The following KIAA0930 variants were observed in gnomAD, a reference collection of about 807,000 sequenced individuals.
The protein encoded by KIAA0930 is uncharacterized protein KIAA0930.
KIAA0930 carries 24 observed loss-of-function variants against 43.9 expected under a neutral mutation model. The ratio of observed to expected loss-of-function variants is 0.55; its 90% CI spans 0.40 to 0.77. KIAA0930 has a LOEUF of 0.77. Among genes scored for constraint, KIAA0930 ranks in the 30% least tolerant of loss-of-function variants. The pLI is 0.00. For synonymous variants in KIAA0930, 259 were observed against 216.4 expected, an observed-to-expected ratio of 1.20 and a Z score of -1.73; for missense variants, 461 against 574.2, an observed-to-expected ratio of 0.80 and a Z score of 2.02.
At chr22:45,221,598 A>G (rs12106512) in intron 1 of KIAA0930, among the ~76,000 whole-genome samples, 38,415 of 152,132 alleles carry the variant, frequency 0.25, 4,872 homozygotes, top group South Asian at 0.33. Context: ...GACATAATAA[A>G]TATGTGCTAA....
intron 1 of KIAA0930, among the ~76,000 whole-genome samples, chr22:45,214,758 A>C (rs1259929895): frequency 4.6e-5 from 7 of 152,038 alleles, no homozygotes; most frequent in African/African-American, 1.7e-4. Context: ...AAAAAATAAA[A>C]ATTAGCTGGG....
rs2083542017 is a variant in KIAA0930, at chr22:45,196,964, CG to C, written c.*211del. 1 of 534,436 alleles carries C rather than the reference CG, an allele frequency of 1.9e-6. No individual in the cohort carries two copies. The highest frequency in any genetic ancestry group is 3.6e-5 in the Admixed American group (1 of 27,530). The allele number at this position is 534,436 out of a possible 1,614,324, so 33.1% of individuals were successfully genotyped here. A position where few individuals can be genotyped will look rare whatever the true frequency, so the allele number is the denominator to read the frequency against. ...GGGGCGATGGGCGGGGGGCACAGGG[CG>C]GAGCAGCGCCAGCAGGGGAGGGAAG... On this transcript the variant is annotated 3_prime_UTR_variant, in exon 10 of 10. Transcript: ENST00000336156. This position sits in a 1 kb window ranked among gnomAD's most constrained non-coding sequence, Gnocchi z 4.1.
intron 8 of KIAA0930, 28 bp from the exon 9 acceptor site, chr22:45,197,976 C>A (rs374578648): frequency 9.3e-6 from 15 of 1,612,298 alleles, no homozygotes; most frequent in Non-Finnish European, 1.3e-5. Flanking sequence ...AGGTCAAGGC[C>A]CCCACAGCAT....
intron 1 of KIAA0930, among the ~76,000 whole-genome samples, chr22:45,231,404 C>T (rs2083852664): frequency 1.3e-5 from 2 of 151,946 alleles, no homozygotes; most frequent in Admixed American, 1.3e-4. Flanking sequence ...TAGTTTTCAC[C>T]TCCTACATTG....
chr22:45,212,006 G>C lies in KIAA0930; in HGVS notation c.166C>G (p.Arg56Gly). The change falls in exon 2 of 10, where the codon CGC (arginine) becomes GGC (glycine). Residue 56 changes from arginine to glycine, a missense_variant. Physicochemically the swap from Arg to Gly is moderately radical, Grantham distance 125. Transcript: ENST00000336156. The part of the protein sequence containing the change: ...PRQDDMLFYV[R>G]RKLAYSGSES... ...CTGCCGGAGTACGCCAGCTTCCGGC[G>C]CACATAGAAAAGCATGTCGTCCTGC... 1 of 1,613,506 alleles carries C rather than the reference G, an allele frequency of 6.2e-7. No individual in the cohort carries two copies. The highest frequency in any genetic ancestry group is 8.5e-7 in the Non-Finnish European group (1 of 1,180,002).
intron 1 of KIAA0930, chr22:45,212,377 C>A: frequency 6.3e-7 from 1 of 1,589,280 alleles, no homozygotes; most frequent in South Asian, 1.1e-5. Flanking sequence ...TGACTCCAGC[C>A]TGGGGATGAA....
At position 45,237,002 on chromosome 22, in the gene KIAA0930, G is replaced by A. The variant is rs560901764; in HGVS notation, c.64+3638C>T. ...ACACCAGGTCTTGGGCCCAGGTCGCGTCCACGTTACCTGACCAACTGTCGG... is the reference window on the plus strand; with the variant it reads ...ACACCAGGTCTTGGGCCCAGGTCGCATCCACGTTACCTGACCAACTGTCGG... On this transcript the variant is annotated intron_variant, in intron 1 of 9. Coordinates refer to ENST00000336156, the MANE Select transcript of KIAA0930 (RefSeq NM_001009880.2). 1.2e-4 allele frequency among the ~76,000 whole-genome samples: 18 copies of A among 152,308 alleles called. No individual in the cohort carries two copies. The East Asian group carries it at 2.1e-3, about 18-fold the overall frequency.
chr22:45,205,622 G>A lies in KIAA0930; in HGVS notation c.414+8C>T. On this transcript the variant is annotated splice_region_variant and intron_variant, in intron 4 of 9. Transcript: ENST00000336156. ...TAGGAGGCTGGGGGCTCTCGTGCCA[G>A]GGCTCACCTGAGATTTCTTCTTATG... 3 of 1,613,650 alleles carry A rather than the reference G, an allele frequency of 1.9e-6. No individual in the cohort carries two copies. The highest frequency in any genetic ancestry group is 2.5e-6 in the Non-Finnish European group (3 of 1,179,802).
At position 45,212,523 on chromosome 22, in the gene KIAA0930, A is replaced by AC. The variant is rs1294027029; in HGVS notation, c.65-417dup. 6.4e-6 allele frequency: 9 copies of AC among 1,398,268 alleles called. No individual in the cohort carries two copies. The East Asian group carries it at 2.3e-4, about 37-fold the overall frequency. The allele number at this position is 1,398,268 out of a possible 1,614,324, so 86.6% of individuals were successfully genotyped here. On this transcript the variant is annotated intron_variant, in intron 1 of 9. Transcript: ENST00000336156. ...GGCAGGGCTCTCACCAACATCTCTC[A>AC]CCCCCACCCACTCCCCCTGGCTGCG... is the stretch of plus-strand genomic sequence containing the variant.
At chr22:45,228,242 C>A (rs564834765) in intron 1 of KIAA0930, among the ~76,000 whole-genome samples, 88 of 152,294 alleles carry the variant, frequency 5.8e-4, no homozygotes, top group African/African-American at 1.9e-3. Flanking sequence ...GCATCAACCT[C>A]CCTGAGCAGC....
At chr22:45,211,219 C>T (rs985750390) in intron 2 of KIAA0930, 1 of 388,234 alleles carries the variant, frequency 2.6e-6, no homozygotes, top group Non-Finnish European at 4.5e-6. Flanking sequence ...GACCTAGCTA[C>T]ACGGCCCTCT....
intron 7 of KIAA0930, among the ~76,000 whole-genome samples, chr22:45,200,405 G>A (rs1357842269): frequency 6.6e-6 from 1 of 152,156 alleles, no homozygotes; most frequent in Admixed American, 6.5e-5. Context: ...GACCCTCTGA[G>A]CCTCCAGCTC....
chr22:45,213,561 C>T lies in KIAA0930; in HGVS notation c.65-1454G>A. On this transcript the variant is annotated intron_variant, in intron 1 of 9. Transcript: ENST00000336156. Reference sequence around the variant, plus strand: ...GCCGCGTTTTTGCAACAGGCAAAGCCCAAGTCACGCTACTACAGACCCTTG... The same window carrying T: ...GCCGCGTTTTTGCAACAGGCAAAGCTCAAGTCACGCTACTACAGACCCTTG... 4 of 1,084,592 alleles carry T rather than the reference C, an allele frequency of 3.7e-6. No homozygotes were observed. The South Asian group carries it at 6.6e-5, about 18-fold the overall frequency. 67.2% of individuals were successfully genotyped at this position (1,084,592 alleles called of 1,614,324 possible).
rs1285868482 is a variant in KIAA0930 at position 45,196,251 on chromosome 22, A to AAC, written c.*923_*924dup. ...GTGAGCTGGTCTGAGAGATGGGACC[A>AAC]ACACACGCCGTCAAAGGAAGTGAGT... On this transcript the variant is annotated 3_prime_UTR_variant, in exon 10 of 10. Transcript: ENST00000336156. This position sits in a 1 kb window ranked among gnomAD's most constrained non-coding sequence, Gnocchi z 4.1. The AAC allele has an allele frequency of 2.0e-5, 3 of 152,236 alleles. No individual in the cohort carries two copies. Among genetic ancestry groups the AAC allele is most frequent in the African/African-American group, 7.2e-5 (3 of 41,422 alleles). The allele number at this position is 152,236 out of a possible 1,614,324, so 9.4% of individuals were successfully genotyped here. A position where few individuals can be genotyped will look rare whatever the true frequency, so the allele number is the denominator to read the frequency against.
intron 1 of KIAA0930, among the ~76,000 whole-genome samples, chr22:45,240,322 GA>G (rs1056522050): frequency 1.6e-4 from 25 of 152,234 alleles, no homozygotes; most frequent in Admixed American, 1.2e-3. Flanking sequence ...CCTGGAGAAG[GA>G]AGAAGACCCG....
chr22:45,234,732 G>A (rs541287734), intron 1 of KIAA0930, among the ~76,000 whole-genome samples: 3 of 152,342 alleles, frequency 2.0e-5, no homozygotes, highest in South Asian at 2.1e-4. Context: ...CCAACCACAT[G>A]AGACCAATTA....
At chr22:45,224,966 G>A in intron 1 of KIAA0930, among the ~76,000 whole-genome samples, 1 of 152,126 alleles carries the variant, frequency 6.6e-6, no homozygotes, top group East Asian at 1.9e-4. Flanking sequence ...GCCTGCAGAT[G>A]CTGGGTGCCT....
intron 1 of KIAA0930, chr22:45,213,345 C>T (rs1268066443): frequency 1.5e-6 from 2 of 1,303,790 alleles, no homozygotes; most frequent in Admixed American, 2.3e-5. Context: ...TGCCTGGCTC[C>T]TGGGCTCTAG....
At chr22:45,208,739 T>C (rs1191607831) in intron 2 of KIAA0930, among the ~76,000 whole-genome samples, 3 of 152,236 alleles carry the variant, frequency 2.0e-5, no homozygotes, top group Non-Finnish European at 2.9e-5. Flanking sequence ...AGACGTTATA[T>C]TGAAAACAAT....
Sources: gnomAD v4.1 joint callset for allele counts (sites outside exome capture counted in the v4.1 genomes callset) on GRCh38, gnomAD v4.1.1 for gene constraint, Gnocchi (gnomAD v3.1) non-coding constraint, MANE v1.5 for transcripts, NCBI Gene and HGNC (gene_info 2026-07-23, HGNC 2026-07-21) for gene names.